Variants in ZNF107 observed in about 807,000 individuals in gnomAD.
The protein encoded by ZNF107 is zinc finger protein 107.
In ZNF107, 19 loss-of-function variants were observed where a neutral mutation model predicts 12.3. The observed-to-expected ratio is 1.55, with a 90% CI of 1.08 to 2.27. The LOEUF is 2.27. Among genes scored for constraint, ZNF107 ranks in the 30% most tolerant of loss-of-function variants. ZNF107 has a pLI of 0.00. For synonymous variants in ZNF107, 317 were observed against 330.5 expected (o/e 0.96, Z 0.44); for missense variants, 958 against 979.9 (o/e 0.98, Z 0.30).
chr7:64,691,320 C>A lies in ZNF107; in HGVS notation c.76C>A (p.Arg26=). 1 of 1,542,426 alleles carries A rather than the reference C, an allele frequency of 6.5e-7. No homozygotes were observed. Among genetic ancestry groups the A allele is most frequent in the Non-Finnish European group, 8.7e-7 (1 of 1,146,316 alleles). ...EEWQCLDTAQ[R]DLYRNVLLEN... Reference sequence around the variant, plus strand: ...GTGGCAATGCCTGGATACTGCACAGCGGGATTTATATAGGAATGTGTTGTT... The same window carrying A: ...GTGGCAATGCCTGGATACTGCACAGAGGGATTTATATAGGAATGTGTTGTT... Residue 26 remains arginine (R), a synonymous_variant, in exon 2 of 4, where the codon CGG becomes AGG. Transcript: ENST00000620827.
intron 3 of ZNF107, among the ~76,000 whole-genome samples, chr7:64,694,016 G>GCC (rs1790205092): frequency 6.6e-6 from 1 of 152,100 alleles, no homozygotes; most frequent in Non-Finnish European, 1.5e-5. Flanking sequence ...TCGAACTCCT[G>GCC]ACCTTAGGTG....
intron 3 of ZNF107, among the ~76,000 whole-genome samples, chr7:64,701,548 C>A (rs959422182): frequency 6.6e-6 from 1 of 151,738 alleles, no homozygotes; most frequent in Admixed American, 6.6e-5. Flanking sequence ...TAAAATTAGT[C>A]TCTTATAGGC....
At chr7:64,693,226 G>A (rs1369857597) in intron 3 of ZNF107, among the ~76,000 whole-genome samples, 2 of 147,600 alleles carry the variant, frequency 1.4e-5, no homozygotes, top group Admixed American at 6.8e-5. Flanking sequence ...TGTTAGCCAG[G>A]ATGGTCTCGA....
chr7:64,680,956 A>C (rs1789643066), intron 1 of ZNF107, among the ~76,000 whole-genome samples: 1 of 152,138 alleles, frequency 6.6e-6, no homozygotes, highest in South Asian at 2.1e-4. Flanking sequence ...GCCATGCTTC[A>C]AGTGCCATAA....
At position 64,707,718 on chromosome 7, in the gene ZNF107, G is replaced by C; in HGVS notation, c.1621G>C (p.Glu541Gln). 6.2e-7 allele frequency: 1 copy of C among 1,612,890 alleles called. No individual in the cohort carries two copies. Among genetic ancestry groups the C allele is most frequent in the Non-Finnish European group, 8.5e-7 (1 of 1,179,606 alleles). Residue 541 changes from glutamate (E) to glutamine (Q), a missense_variant, in exon 4 of 4, where the codon GAA (glutamate) becomes CAA (glutamine). Physicochemically the swap from Glu to Gln is conservative, Grantham distance 29. Transcript: ENST00000620827. ...HTGEKPYKCE[E>Q]CGKAFNRFST... ...TGGAGAGAAACCCTATAAATGTGAG[G>C]AATGTGGCAAAGCTTTTAACCGATT...
chr7:64,677,075 A>G (rs575172068), intron 1 of ZNF107, among the ~76,000 whole-genome samples: 3 of 152,268 alleles, frequency 2.0e-5, no homozygotes, highest in Admixed American at 6.5e-5. Flanking sequence ...GAAGAAAGAC[A>G]TAGACTTGTC....
chr7:64,693,466 G>A (rs1412063870), intron 3 of ZNF107, among the ~76,000 whole-genome samples: 1 of 152,008 alleles, frequency 6.6e-6, no homozygotes, highest in Non-Finnish European at 1.5e-5. Flanking sequence ...CTAATTTTAG[G>A]AGGTAAAGAT....
At chr7:64,699,787 G>A (rs1432383755) in intron 3 of ZNF107, among the ~76,000 whole-genome samples, 3 of 151,952 alleles carry the variant, frequency 2.0e-5, no homozygotes, top group African/African-American at 7.3e-5. Flanking sequence ...GTACATTCTC[G>A]GCCGGGCGTG....
intron 1 of ZNF107, among the ~76,000 whole-genome samples, chr7:64,685,206 C>T (rs761267267): frequency 1.5e-4 from 23 of 152,306 alleles, no homozygotes; most frequent in African/African-American, 4.8e-4. Context: ...TGACTACAAA[C>T]GCTGTCTTAA....
chr7:64,668,099 G>A (rs1789074457), intron 1 of ZNF107, among the ~76,000 whole-genome samples: 1 of 152,072 alleles, frequency 6.6e-6, no homozygotes. Flanking sequence ...TGGGGTAGGA[G>A]AATCTAGTGT....
At chr7:64,695,930 AGT>A (rs1225834309) in intron 3 of ZNF107, among the ~76,000 whole-genome samples, 1 of 152,182 alleles carries the variant, frequency 6.6e-6, no homozygotes, top group African/African-American at 2.4e-5. Context: ...AATCTATTGA[AGT>A]GTACATTTCA....
chr7:64,687,164 T>C (rs1375139522), intron 1 of ZNF107: 13 of 986,326 alleles, frequency 1.3e-5, no homozygotes, highest in Middle Eastern at 3.8e-4. Flanking sequence ...CTTGAATGCA[T>C]TGGGTGTCTG....
intron 1 of ZNF107, chr7:64,687,514 G>T: frequency 2.0e-6 from 2 of 985,448 alleles, no homozygotes; most frequent in Non-Finnish European, 2.4e-6. Context: ...GATGGTAGGA[G>T]TCAAGAGAGG....
intron 1 of ZNF107, among the ~76,000 whole-genome samples, chr7:64,672,718 T>C (rs143943366): frequency 6.6e-6 from 1 of 152,278 alleles, no homozygotes; most frequent in African/African-American, 2.4e-5. Context: ...TGATTCCGTA[T>C]CTTTGCTATG....
In ZNF107 at chr7:64,708,864, T is replaced by G; in HGVS notation, c.*208T>G. ...TACTGAAAGTTGAGAAAATTCGTAC[T>G]GGAGAGAATCCTACAAATGTGAAAA... On this transcript the variant is annotated 3_prime_UTR_variant, in exon 4 of 4. Transcript: ENST00000620827. 1 of 632,782 alleles carries G rather than the reference T, an allele frequency of 1.6e-6. No homozygotes were observed. Among genetic ancestry groups the G allele is most frequent in the Admixed American group, 3.0e-5 (1 of 33,408 alleles). 39.2% of individuals were successfully genotyped at this position (632,782 alleles called of 1,614,324 possible).
Position 64,691,919 on chromosome 7 carries a change from C to T in ZNF107, c.185C>T (p.Pro62Leu). Reference protein sequence around the residue: ...LITCLEQKKEPWNIKRHEMVA... With the variant: ...LITCLEQKKELWNIKRHEMVA... ...ACCTGTCTGGAGCAAAAAAAAGAGC[C>T]CTGGAATATAAAAAGACATGAGATG... The change falls in exon 3 of 4, where the codon CCC (proline) becomes CTC (leucine). Residue 62 changes from proline (P) to leucine (L), a missense_variant. Transcript: ENST00000620827. The T allele has an allele frequency of 1.3e-6, 2 of 1,533,974 alleles. No homozygotes were observed. Among genetic ancestry groups the T allele is most frequent in the Non-Finnish European group, 1.7e-6 (2 of 1,144,210 alleles).
intron 1 of ZNF107, among the ~76,000 whole-genome samples, chr7:64,667,944 C>G (rs371049430): frequency 1.4e-4 from 11 of 80,780 alleles, no homozygotes; most frequent in Admixed American, 1.3e-3. Flanking sequence ...AATAGTATTC[C>G]AGAAGACAAA....
At position 64,684,767 on chromosome 7, in the gene ZNF107, A is replaced by T. The variant is rs141235815; in HGVS notation, c.4-6481A>T. 86 of 972,184 alleles carry T rather than the reference A, an allele frequency of 8.8e-5. No homozygotes were observed. The East Asian group carries it at 8.8e-3, about 100-fold the overall frequency. 60.2% of individuals were successfully genotyped at this position (972,184 alleles called of 1,614,324 possible). A position where few individuals can be genotyped will look rare whatever the true frequency, so the allele number is the denominator to read the frequency against. ...GGCACTCTGTATAACTTCTTCCCAG[A>T]TGAGACGCCTCTGTTTACCTTCCTA... On this transcript the variant is annotated intron_variant, in intron 1 of 3. Transcript: ENST00000620827.
intron 1 of ZNF107, chr7:64,684,820 C>G: frequency 1.3e-6 from 1 of 778,946 alleles, no homozygotes; most frequent in Non-Finnish European, 1.6e-6. Flanking sequence ...CCTCCTGCTC[C>G]TTTGGCTACC....
Sources: gnomAD v4.1 joint callset for allele counts (sites outside exome capture counted in the v4.1 genomes callset) on GRCh38, gnomAD v4.1.1 for gene constraint, MANE v1.5 for transcripts, NCBI Gene and HGNC (gene_info 2026-07-23, HGNC 2026-07-21) for gene names.